E2F5: variants seen among roughly 807,000 people sequenced by gnomAD.
E2F5 encodes the protein transcription factor E2F5.
E2F5 carries 23 observed loss-of-function variants against 39.1 expected under a neutral mutation model. That is an observed-to-expected ratio of 0.59 (90% CI 0.42 to 0.83). The LOEUF (loss-of-function observed/expected upper bound fraction) is 0.83. E2F5 is among the 40% of genes least tolerant of loss of function. E2F5 has a pLI of 0.00. For missense variants in E2F5, 365 were observed against 406.7 expected (o/e 0.90, Z 0.88); for synonymous variants, 145 against 157.8 (o/e 0.92, Z 0.61).
intron 1 of E2F5, among the ~76,000 whole-genome samples, chr8:85,192,653 A>T (rs1448297933): frequency 2.0e-5 from 3 of 152,200 alleles, no homozygotes; most frequent in Admixed American, 2.0e-4. Flanking sequence ...GTTCCAGAAA[A>T]CATTTTGGGC....
intron 6 of E2F5, among the ~76,000 whole-genome samples, 161 bp from the exon 7 acceptor site, chr8:85,211,996 A>T (rs1199959895): frequency 6.6e-6 from 1 of 152,124 alleles, no homozygotes; most frequent in Admixed American, 6.6e-5. Context: ...AAGTAATGCC[A>T]GGCACAGAGT....
At chr8:85,200,394 G>A (rs1812670996) in intron 1 of E2F5, 1 of 639,168 alleles carries the variant, frequency 1.6e-6, no homozygotes, top group Non-Finnish European at 1.9e-6. Flanking sequence ...AGAAACTAGG[G>A]GTTAAATGTT....
chr8:85,211,590 C>G (rs1812921160), intron 6 of E2F5, among the ~76,000 whole-genome samples: 1 of 146,064 alleles, frequency 6.8e-6, no homozygotes, highest in South Asian at 2.2e-4. Flanking sequence ...AATTATGAAA[C>G]TACTGACTAA....
intron 1 of E2F5, among the ~76,000 whole-genome samples, chr8:85,197,040 CTTCTT>C (rs1271217865): frequency 2.0e-5 from 3 of 152,148 alleles, no homozygotes; most frequent in Non-Finnish European, 4.4e-5. Context: ...GCCTTCCCAT[CTTCTT>C]TTCAAGTGGA....
chr8:85,183,168 T>C (rs1030194224), intron 1 of E2F5, among the ~76,000 whole-genome samples: 18 of 152,028 alleles, frequency 1.2e-4, no homozygotes, highest in Non-Finnish European at 2.2e-4. Context: ...AGGAGAATGG[T>C]GTGAACCCGG....
chr8:85,203,172 A>G lies in E2F5; in HGVS notation c.423A>G (p.Glu141=), dbSNP rs1812729745. 1.2e-6 allele frequency: 2 copies of G among 1,607,898 alleles called. No individual in the cohort carries two copies. The highest frequency in any genetic ancestry group is 1.7e-5 in the Admixed American group (1 of 59,352). ...TTAAAGCTGAAATTGAAGATCTAGA[A>G]CTGAAGGAAAGAGAACTTGATCAGC... ...RYLKAEIEDL[E]LKERELDQQK... is the part of the protein sequence containing the mutation. Residue 141 remains glutamate (E), a synonymous_variant, in exon 3 of 8, where the codon GAA becomes GAG. Coordinates refer to ENST00000416274, the MANE Select transcript of E2F5 (RefSeq NM_001951.4).
chr8:85,214,160 G>A lies in E2F5; in HGVS notation c.*298G>A. 1 of 537,396 alleles carries A rather than the reference G, an allele frequency of 1.9e-6. No homozygotes were observed. The allele number at this position is 537,396 out of a possible 1,614,324, so 33.3% of individuals were successfully genotyped here. A position where few individuals can be genotyped will look rare whatever the true frequency, so the allele number is the denominator to read the frequency against. On this transcript the variant is annotated 3_prime_UTR_variant, in exon 8 of 8. Transcript: ENST00000416274. ...AATCCTTCTGTTTTTTCTTCTTAAG[G>A]AGGAAAGTTAAAGGACACTACAGGT... is the stretch of plus-strand genomic sequence containing the variant.
chr8:85,177,975 T>G (rs1232132526), intron 1 of E2F5: 1 of 173,382 alleles, frequency 5.8e-6, no homozygotes, highest in East Asian at 1.6e-4. Flanking sequence ...GGTAACCGAG[T>G]GTCTGTTGCT....
At chr8:85,208,317 A>G (rs1812840203) in intron 5 of E2F5, among the ~76,000 whole-genome samples, 1 of 152,198 alleles carries the variant, frequency 6.6e-6, no homozygotes, top group African/African-American at 2.4e-5. Context: ...AACAAGAGTG[A>G]AACTCTGTAT....
At chr8:85,187,322 T>C (rs1191523139) in intron 1 of E2F5, among the ~76,000 whole-genome samples, 1 of 152,130 alleles carries the variant, frequency 6.6e-6, no homozygotes. Flanking sequence ...ATCTAGAGTA[T>C]AGTTTAAATT....
chr8:85,177,663 C>A lies in E2F5; in HGVS notation c.234+9C>A. The stretch of plus-strand genomic sequence containing the variant: ...TTCTGGATCTCAAAGCGGTGAGCTC[C>A]GGAGGCGGGGACGGGGGCGGACTTC... On this transcript the variant is annotated intron_variant, in intron 1 of 7. Coordinates refer to ENST00000416274, the MANE Select transcript of E2F5 (RefSeq NM_001951.4). The A allele has an allele frequency of 7.8e-7, 1 of 1,282,768 alleles. No individual in the cohort carries two copies. The highest frequency in any genetic ancestry group is 2.9e-5 in the East Asian group (1 of 34,748). The allele number at this position is 1,282,768 out of a possible 1,614,324, so 79.5% of individuals were successfully genotyped here.
intron 1 of E2F5, among the ~76,000 whole-genome samples, chr8:85,188,234 A>C (rs1812384548): frequency 6.6e-6 from 1 of 151,778 alleles, no homozygotes; most frequent in Admixed American, 6.6e-5. Flanking sequence ...ATGCTGCATA[A>C]ATTGCTTATA....
Position 85,206,040 on chromosome 8 carries a change from T to C in E2F5, c.507-137T>C, listed in dbSNP as rs983468694. On this transcript the variant is annotated intron_variant, in intron 3 of 7. Coordinates refer to ENST00000416274, the MANE Select transcript of E2F5 (RefSeq NM_001951.4). Reference sequence around the variant, plus strand: ...TGTCTTTACCTTTCTAGACTAGACTTCTTTTTTTGTCTGTCCATGTGTGGC... The same window carrying C: ...TGTCTTTACCTTTCTAGACTAGACTCCTTTTTTTGTCTGTCCATGTGTGGC... The C allele has an allele frequency of 3.0e-4, 225 of 750,598 alleles. 3 individuals carry two copies. Among genetic ancestry groups the C allele is most frequent in the Non-Finnish European group, 3.1e-5 (14 of 454,752 alleles). 46.5% of individuals were successfully genotyped at this position (750,598 alleles called of 1,614,324 possible).
intron 7 of E2F5, chr8:85,212,848 T>C (rs1019385135): frequency 1.3e-5 from 2 of 150,432 alleles, no homozygotes; most frequent in Admixed American, 6.6e-5. Flanking sequence ...TTCATTCTTC[T>C]GTTTGCAAAG....
intron 3 of E2F5, among the ~76,000 whole-genome samples, chr8:85,205,558 G>A (rs911282675): frequency 2.6e-5 from 4 of 152,108 alleles, no homozygotes; most frequent in African/African-American, 9.6e-5. Flanking sequence ...AAAGTGCTGG[G>A]TGGCGTGAGC....
At chr8:85,208,458 G>C (rs929362860) in intron 5 of E2F5, among the ~76,000 whole-genome samples, 1 of 152,122 alleles carries the variant, frequency 6.6e-6, no homozygotes, top group Non-Finnish European at 1.5e-5. Context: ...GGCTTATTAA[G>C]TCAAAGACAT....
chr8:85,202,932 T>C (rs566425334), intron 2 of E2F5, among the ~76,000 whole-genome samples, 162 bp from the exon 3 acceptor site: 1 of 152,264 alleles, frequency 6.6e-6, no homozygotes, highest in African/African-American at 2.4e-5. Context: ...AAGCAAGAAG[T>C]ATGGTGTTTA....
chr8:85,205,626 G>A lies in E2F5; in HGVS notation c.507-551G>A, dbSNP rs1303149265. On this transcript the variant is annotated intron_variant, in intron 3 of 7. Coordinates refer to ENST00000416274, the MANE Select transcript of E2F5 (RefSeq NM_001951.4). ...CAAGGAAACCCCAATAAAAGCTCTG[G>A]GCTAATGCTTTCCCCTTGCTCCTGT... Among the ~76,000 whole-genome samples the A allele has an allele frequency of 3.3e-5, 5 of 152,182 alleles. No individual in the cohort carries two copies. The East Asian group carries it at 9.7e-4, about 29-fold the overall frequency.
chr8:85,177,653 C>T lies in E2F5; in HGVS notation c.233C>T (p.Ala78Val), dbSNP rs374657776. ...AAGGACGGCGTTCTGGATCTCAAAG[C>T]GGTGAGCTCCGGAGGCGGGGACGGG... is the stretch of plus-strand genomic sequence containing the variant. ...EAKDGVLDLK[A>V]AADTLAVRQK... Residue 78 changes from alanine (A) to valine (V), a missense_variant and splice_region_variant, in exon 1 of 8, where the codon GCG becomes GTG. By Grantham distance (64) the Ala-to-Val change is moderately conservative. Transcript: ENST00000416274. 8.5e-6 allele frequency: 11 copies of T among 1,287,548 alleles called. No homozygotes were observed. Among genetic ancestry groups the T allele is most frequent in the Non-Finnish European group, 1.1e-5 (11 of 1,014,334 alleles). 79.8% of individuals were successfully genotyped at this position (1,287,548 alleles called of 1,614,324 possible).
Sources: gnomAD v4.1 joint callset for allele counts (sites outside exome capture counted in the v4.1 genomes callset) on GRCh38, gnomAD v4.1.1 for gene constraint, MANE v1.5 for transcripts, NCBI Gene and HGNC (gene_info 2026-07-23, HGNC 2026-07-21) for gene names.